CDH13: variants seen among roughly 807,000 people sequenced by gnomAD.
CDH13 encodes cadherin-13.
CDH13 carries 24 observed loss-of-function variants against 63.8 expected under a neutral mutation model. That is an observed-to-expected ratio of 0.38 (90% confidence interval 0.27 to 0.53). The LOEUF (loss-of-function observed/expected upper bound fraction) is 0.53, where lower values mean the gene tolerates loss of function less well. Ranked by LOEUF, CDH13 falls within the 20% of genes least tolerant of loss-of-function variation. The pLI is 0.85. For missense variants in CDH13, 1,049 were observed against 903.1 expected, an observed-to-expected ratio of 1.16 and a Z score of -2.07; for synonymous variants, 503 against 355.3, an observed-to-expected ratio of 1.42 and a Z score of -4.67.
At chr16:82,832,490 G>A (rs1362916356) in intron 1 of CDH13, among the ~76,000 whole-genome samples, 1 of 151,730 alleles carries the variant, frequency 6.6e-6, no homozygotes, top group Non-Finnish European at 1.5e-5. Context: ...CTACCAACAT[G>A]GTTGTAAAAA....
At chr16:83,121,697 C>T (rs1802824644) in intron 3 of CDH13, among the ~76,000 whole-genome samples, 9 of 152,174 alleles carry the variant, frequency 5.9e-5, no homozygotes, top group Admixed American at 5.9e-4. Flanking sequence ...TCATGTCTCA[C>T]TAAACGTCTT....
At chr16:83,546,393 G>C (rs1030142692) in intron 7 of CDH13, among the ~76,000 whole-genome samples, 1 of 150,592 alleles carries the variant, frequency 6.6e-6, no homozygotes, top group Non-Finnish European at 1.5e-5. Context: ...TTTATTTTCG[G>C]TTGTACCTGT....
chr16:82,747,587 T>TG (rs144567305), intron 1 of CDH13, among the ~76,000 whole-genome samples: 14,245 of 152,170 alleles, frequency 0.094, 1,184 homozygotes, highest in African/African-American at 0.23. Context: ...CTTTGGAGAA[T>TG]GGCACTACTG....
Position 83,378,384 on chromosome 16 carries a change from C to T in CDH13, c.781+33378C>T, listed in dbSNP as rs142477417. 2.6e-4 allele frequency among the ~76,000 whole-genome samples: 40 copies of T among 152,310 alleles called. No homozygotes were observed. In the East Asian group the frequency reaches 7.5e-3, roughly 29 times the overall value. On this transcript the variant is annotated intron_variant, in intron 6 of 13. Transcript: ENST00000567109. ...TTGGAGAGGTGCCCTGAGAAAAACACATCCCTTGACCATGAGTTTTTAACA... is the reference window on the plus strand; with the variant it reads ...TTGGAGAGGTGCCCTGAGAAAAACATATCCCTTGACCATGAGTTTTTAACA...
intron 2 of CDH13, among the ~76,000 whole-genome samples, chr16:82,923,466 T>C (rs1361004532): frequency 2.0e-5 from 3 of 152,210 alleles, no homozygotes; most frequent in African/African-American, 4.8e-5. Context: ...GAGTGAAGTT[T>C]CCATCTCTAA....
chr16:82,934,059 G>C (rs141219363), intron 2 of CDH13, among the ~76,000 whole-genome samples: 1,973 of 152,308 alleles, frequency 0.013, 30 homozygotes, highest in African/African-American at 0.036. Context: ...AGCTCAACTA[G>C]GCAGTGCCCC....
chr16:83,507,957 G>A (rs142807711), intron 7 of CDH13, among the ~76,000 whole-genome samples: 125 of 151,242 alleles, frequency 8.3e-4, no homozygotes, highest in African/African-American at 3.0e-3. Context: ...GCTTGAAACC[G>A]GGAGGCAGAG....
At chr16:83,129,013 G>C (rs983054893) in intron 4 of CDH13, among the ~76,000 whole-genome samples, 1 of 152,192 alleles carries the variant, frequency 6.6e-6, no homozygotes, top group African/African-American at 2.4e-5. Flanking sequence ...TTATGCCTTT[G>C]AAGGTACGTA....
intron 2 of CDH13, among the ~76,000 whole-genome samples, chr16:82,873,696 T>A (rs2040416671): frequency 1.3e-5 from 2 of 152,182 alleles, no homozygotes; most frequent in African/African-American, 4.8e-5. Flanking sequence ...ATTTTTATTT[T>A]AAAAAGTTGG....
intron 8 of CDH13, among the ~76,000 whole-genome samples, chr16:83,633,707 C>T (rs1197597078): frequency 6.6e-6 from 1 of 152,150 alleles, no homozygotes; most frequent in Non-Finnish European, 1.5e-5. Flanking sequence ...CACTTTCTCT[C>T]GTTTTTGTTT....
intron 6 of CDH13, among the ~76,000 whole-genome samples, chr16:83,447,272 G>C (rs187514165): frequency 2.0e-5 from 3 of 151,472 alleles, no homozygotes; most frequent in Admixed American, 1.3e-4. Flanking sequence ...AAAATTAGCC[G>C]GGCGTGGTGG....
At chr16:83,427,650 G>T (rs2071952919) in intron 6 of CDH13, among the ~76,000 whole-genome samples, 1 of 152,102 alleles carries the variant, frequency 6.6e-6, no homozygotes, top group South Asian at 2.1e-4. Flanking sequence ...CACAGCAAGG[G>T]AGTGCAGTGA....
chr16:83,510,950 T>A (rs1188863986), intron 7 of CDH13, among the ~76,000 whole-genome samples: 1 of 152,260 alleles, frequency 6.6e-6, no homozygotes, highest in Non-Finnish European at 1.5e-5. Flanking sequence ...AAGACTACCA[T>A]GCCTATTCTG....
chr16:83,030,201 A>G (rs1916177004), intron 2 of CDH13, among the ~76,000 whole-genome samples: 1 of 152,120 alleles, frequency 6.6e-6, no homozygotes, highest in Admixed American at 6.5e-5. Context: ...TCCACTCTCC[A>G]TATCAGCACC....
At chr16:83,127,653 G>C (rs985377914) in intron 4 of CDH13, among the ~76,000 whole-genome samples, 3 of 152,206 alleles carry the variant, frequency 2.0e-5, no homozygotes, top group Non-Finnish European at 4.4e-5. Flanking sequence ...CTTGAACCCA[G>C]GAGGTGGAGG....
intron 7 of CDH13, 31 bp downstream of exon 7, chr16:83,486,686 A>G (rs755354829): frequency 6.2e-7 from 1 of 1,601,976 alleles, no homozygotes; most frequent in Non-Finnish European, 8.5e-7. Context: ...TTTCTTTTTC[A>G]CGAGAATAGA....
intron 2 of CDH13, among the ~76,000 whole-genome samples, chr16:83,026,950 G>A (rs144664330): frequency 2.7e-3 from 412 of 152,198 alleles, no homozygotes; most frequent in African/African-American, 9.3e-3. Flanking sequence ...GGATACACAC[G>A]GGGTCCAGGG....
At chr16:83,497,162 T>C (rs2074165351) in intron 7 of CDH13, among the ~76,000 whole-genome samples, 1 of 152,148 alleles carries the variant, frequency 6.6e-6, no homozygotes, top group South Asian at 2.1e-4. Flanking sequence ...CATTACTGGG[T>C]ATATACCCAA....
chr16:83,656,751 AT>A (rs1167057774), intron 8 of CDH13, among the ~76,000 whole-genome samples: 3 of 152,238 alleles, frequency 2.0e-5, no homozygotes, highest in Non-Finnish European at 4.4e-5. Context: ...AGTTTTGGCA[AT>A]ATCACAGCCA....
Sources: gnomAD v4.1 joint callset for allele counts (sites outside exome capture counted in the v4.1 genomes callset) on GRCh38, gnomAD v4.1.1 for gene constraint, MANE v1.5 for transcripts, NCBI Gene and HGNC (gene_info 2026-07-23, HGNC 2026-07-21) for gene names.